Variants in GTF2IRD2 observed in about 807,000 individuals in gnomAD.
The protein encoded by GTF2IRD2 is general transcription factor II-I repeat domain-containing protein 2A.
A neutral mutation model predicts 49.2 loss-of-function variants in GTF2IRD2; 8 were observed. The observed-to-expected ratio is 0.16, with a 90% CI of 0.10 to 0.29. The LOEUF is 0.29. Ranked by LOEUF, GTF2IRD2 falls within the 10% of genes least tolerant of loss-of-function variation. The probability of loss-of-function intolerance (pLI) is 1.00; values close to 1 mark genes in which losing one functional copy is unlikely to be tolerated. For synonymous variants in GTF2IRD2, 47 were observed against 289.7 expected (o/e 0.16, Z 8.51); for missense variants, 130 against 725.7 (o/e 0.18, Z 9.43).
chr7:74,827,830 C>T (rs1563017630), intron 3 of GTF2IRD2, among the ~76,000 whole-genome samples: 4 of 31,388 alleles, frequency 1.3e-4, no homozygotes, highest in Non-Finnish European at 1.0e-4. Context: ...TTTCCTTTCC[C>T]TTTTTTTTTT....
chr7:74,812,391 CAA>C (rs587632131), intron 9 of GTF2IRD2, among the ~76,000 whole-genome samples: 1 of 46,436 alleles, frequency 2.2e-5, no homozygotes, highest in Non-Finnish European at 6.4e-5. Flanking sequence ...GATTCTGTCT[CAA>C]AAAAAAAAAA....
chr7:74,835,949 C>T (rs1256944070), intron 2 of GTF2IRD2, among the ~76,000 whole-genome samples: 1 of 125,446 alleles, frequency 8.0e-6, no homozygotes, highest in African/African-American at 4.6e-5. Context: ...CATGCCACTG[C>T]ACTCCAGCCT....
In GTF2IRD2 at chr7:74,851,135, G is replaced by A. The variant is rs1554422870; in HGVS notation, c.-6+232C>T. Among the ~76,000 whole-genome samples, 2 of 42,802 alleles carry A rather than the reference G, an allele frequency of 4.7e-5. 1 individual carries two copies. The highest frequency in any genetic ancestry group is 7.9e-5 in the Non-Finnish European group (2 of 25,328). The allele number at this position is 42,802 out of a possible 152,430, so 28.1% of individuals were successfully genotyped here. The stretch of plus-strand genomic sequence containing the variant: ...AAGGAGAGGGATGTGCGCTCCGTGC[G>A]TACGACCATTGCCCCCGCGGCAAGG... On this transcript the variant is annotated intron_variant, in intron 1 of 15. Transcript: ENST00000451013.
Position 74,796,368 on chromosome 7 carries a change from C to G in GTF2IRD2, c.*294G>C. ...TCACCTGAGGTCAGGAGTTGGAGAC[C>G]AGCCTGGCCAACATGGTGAAACCTC... On this transcript the variant is annotated 3_prime_UTR_variant, in exon 16 of 16. Coordinates refer to ENST00000451013, the MANE Select transcript of GTF2IRD2 (RefSeq NM_173537.5). 2 of 380,446 alleles carry G rather than the reference C, an allele frequency of 5.3e-6. No homozygotes were observed. Among genetic ancestry groups the G allele is most frequent in the Non-Finnish European group, 1.0e-5 (2 of 197,544 alleles). The allele number at this position is 380,446 out of a possible 1,614,324, so 23.6% of individuals were successfully genotyped here. A position where few individuals can be genotyped will look rare whatever the true frequency, so the allele number is the denominator to read the frequency against.
chr7:74,831,057 AT>A (rs1347496248), intron 3 of GTF2IRD2, among the ~76,000 whole-genome samples: 1 of 149,260 alleles, frequency 6.7e-6, no homozygotes, highest in East Asian at 2.0e-4. Flanking sequence ...TGAATTGAGA[AT>A]ACCCTTCTTG....
intron 3 of GTF2IRD2, 100 bp from the exon 4 acceptor site, chr7:74,825,152 GAATA>G: frequency 1.5e-6 from 2 of 1,302,146 alleles, no homozygotes; most frequent in Non-Finnish European, 2.0e-6. Flanking sequence ...GGAAAAAAGT[GAATA>G]AATATAAAAC....
At chr7:74,810,715 C>T (rs1483642806) in intron 10 of GTF2IRD2, among the ~76,000 whole-genome samples, 181 bp downstream of exon 10, 1 of 64,776 alleles carries the variant, frequency 1.5e-5, no homozygotes, top group Non-Finnish European at 4.0e-5. Flanking sequence ...GCACATGAAT[C>T]GCTTGAACCC....
At chr7:74,826,991 A>G (rs2529253) in intron 3 of GTF2IRD2, among the ~76,000 whole-genome samples, 55 of 151,242 alleles carry the variant, frequency 3.6e-4, no homozygotes, top group East Asian at 2.7e-3. Flanking sequence ...GATTATAGGC[A>G]TGCACTACCA....
chr7:74,826,471 G>C (rs1799401406), intron 3 of GTF2IRD2, among the ~76,000 whole-genome samples: 2 of 121,938 alleles, frequency 1.6e-5, no homozygotes, highest in Admixed American at 8.9e-5. Flanking sequence ...TGTTGGCCAG[G>C]CTGGTCTCGA....
At chr7:74,831,686 G>A (rs1490353138) in intron 3 of GTF2IRD2, among the ~76,000 whole-genome samples, 1 of 101,456 alleles carries the variant, frequency 9.9e-6, no homozygotes, top group Non-Finnish European at 1.9e-5. Context: ...GTCTGGTTTT[G>A]TTTTGTCTTG....
chr7:74,807,347 G>A (rs1342677558), intron 11 of GTF2IRD2, among the ~76,000 whole-genome samples: 2 of 87,662 alleles, frequency 2.3e-5, no homozygotes, highest in Admixed American at 1.3e-4. Context: ...GTGCGATCTC[G>A]GCTCACTGCA....
intron 1 of GTF2IRD2, among the ~76,000 whole-genome samples, chr7:74,842,699 C>T (rs1233365274): frequency 6.9e-6 from 1 of 144,652 alleles, no homozygotes; most frequent in Admixed American, 6.9e-5. Context: ...GCTAAGATGA[C>T]AGGCATGTGC....
chr7:74,815,791 AAAG>A (rs1301507812), intron 8 of GTF2IRD2, among the ~76,000 whole-genome samples: 4 of 43,670 alleles, frequency 9.2e-5, no homozygotes, highest in African/African-American at 3.7e-4. Flanking sequence ...GGAAAGAAAG[AAAG>A]AAGGAAAGAA....
intron 3 of GTF2IRD2, among the ~76,000 whole-genome samples, chr7:74,830,102 C>T (rs1444780001): frequency 1.4e-5 from 2 of 145,014 alleles, no homozygotes; most frequent in Middle Eastern, 3.2e-3. Flanking sequence ...AGCATGCATG[C>T]CAGGTGCAGA....
chr7:74,818,914 T>C (rs1293171040), intron 8 of GTF2IRD2: 1 of 150,790 alleles, frequency 6.6e-6, no homozygotes, highest in Non-Finnish European at 1.5e-5. Flanking sequence ...TTTGTTTTTT[T>C]GTTTTTGTTT....
chr7:74,822,245 T>C (rs1348911081), intron 6 of GTF2IRD2, 182 bp downstream of exon 6: 15 of 712,882 alleles, frequency 2.1e-5, no homozygotes, highest in Non-Finnish European at 3.5e-5. Context: ...CAGACTGGGC[T>C]TCACCGTGTT....
chr7:74,825,684 T>C (rs1184036744), intron 3 of GTF2IRD2, among the ~76,000 whole-genome samples: 2 of 151,290 alleles, frequency 1.3e-5, no homozygotes, highest in African/African-American at 2.4e-5. Context: ...TTAAAACTGA[T>C]TGTTTTCATC....
At chr7:74,815,501 A>G (rs1554418048) in intron 8 of GTF2IRD2, among the ~76,000 whole-genome samples, 1 of 95,314 alleles carries the variant, frequency 1.0e-5, no homozygotes, top group African/African-American at 3.0e-5. Flanking sequence ...CTGTAATCCT[A>G]GCACTTTGGG....
chr7:74,825,802 C>CTG (rs1799328961), intron 3 of GTF2IRD2, among the ~76,000 whole-genome samples: 1 of 110,904 alleles, frequency 9.0e-6, no homozygotes, highest in Non-Finnish European at 1.9e-5. Flanking sequence ...TTTCTTTCTT[C>CTG]TTTTTTTTTT....
Sources: gnomAD v4.1 joint callset for allele counts (sites outside exome capture counted in the v4.1 genomes callset) on GRCh38, gnomAD v4.1.1 for gene constraint, MANE v1.5 for transcripts, NCBI Gene and HGNC (gene_info 2026-07-23, HGNC 2026-07-21) for gene names.